The following TUT4 variants were observed in gnomAD, a reference collection of about 807,000 sequenced individuals.
TUT4 encodes terminal uridylyl transferase 4, also known as terminal uridylyltransferase 4.
A neutral mutation model predicts 192.2 loss-of-function variants in TUT4; 36 were observed. The ratio of observed to expected loss-of-function variants is 0.19; its 90% CI spans 0.14 to 0.25. The LOEUF is 0.25. Among genes scored for constraint, TUT4 ranks in the 10% least tolerant of loss-of-function variants. The pLI, the probability that TUT4 is intolerant of heterozygous loss-of-function variation, is 1.00. For missense variants in TUT4, 1,493 were observed against 1,957.2 expected, an observed-to-expected ratio of 0.76 and a Z score of 4.47; for synonymous variants, 618 against 666.0, an observed-to-expected ratio of 0.93 and a Z score of 1.11.
At position 52,515,871 on chromosome 1, in the gene TUT4, A is replaced by C. The variant is rs1678591678; in HGVS notation, c.882+20T>G. The C allele has an allele frequency of 1.9e-6, 3 of 1,613,736 alleles. No individual in the cohort carries two copies. Among genetic ancestry groups the C allele is most frequent in the Non-Finnish European group, 2.5e-6 (3 of 1,179,930 alleles). Reference sequence around the variant, plus strand: ...TGAAACACACATTTCCCCCCAAATAACTAAAACAACATAGTATACTTTTTC... The same window carrying C: ...TGAAACACACATTTCCCCCCAAATACCTAAAACAACATAGTATACTTTTTC... On this transcript the variant is annotated intron_variant, in intron 3 of 29. Transcript: ENST00000257177.
chr1:52,529,466 GCT>G (rs1361174715), intron 1 of TUT4, among the ~76,000 whole-genome samples: 2 of 152,064 alleles, frequency 1.3e-5, no homozygotes, highest in African/African-American at 4.8e-5. Context: ...ACTAAAATGA[GCT>G]CTGTTTCAAA....
At chr1:52,437,288 T>G (rs1654076289) in intron 25 of TUT4, 3 of 227,832 alleles carry the variant, frequency 1.3e-5, no homozygotes, top group Non-Finnish European at 2.6e-5. Flanking sequence ...GATAAGTGTC[T>G]TGACTAAATT....
chr1:52,528,624 G>A (rs1682507849), intron 1 of TUT4, among the ~76,000 whole-genome samples: 1 of 151,980 alleles, frequency 6.6e-6, no homozygotes, highest in Non-Finnish European at 1.5e-5. Context: ...GAGTCCTTCT[G>A]CCAGCAAAAG....
intron 11 of TUT4, among the ~76,000 whole-genome samples, chr1:52,480,739 A>C (rs909764503): frequency 5.3e-5 from 8 of 152,226 alleles, no homozygotes; most frequent in African/African-American, 1.9e-4. Flanking sequence ...TTTAGATAAG[A>C]ACATGGCAAG....
At chr1:52,439,375 C>T (rs963949724) in intron 24 of TUT4, among the ~76,000 whole-genome samples, 5 of 152,142 alleles carry the variant, frequency 3.3e-5, no homozygotes, top group African/African-American at 1.2e-4. Flanking sequence ...AGGTAGGGAA[C>T]TAAAAAGAAG....
rs147942665 is a variant in TUT4, at chr1:52,439,039, C to T, written c.3823-704G>A. Among the ~76,000 whole-genome samples, 744 of 147,538 alleles carry T rather than the reference C, an allele frequency of 5.0e-3. 8 individuals are homozygous for T. Among genetic ancestry groups the T allele is most frequent in the African/African-American group, 0.017 (687 of 39,810 alleles). ...AAGCAAAGATCGTGCCACTGCACTCCAGCCTGGGTGACACAGCAAGACTCC... is the reference window on the plus strand; with the variant it reads ...AAGCAAAGATCGTGCCACTGCACTCTAGCCTGGGTGACACAGCAAGACTCC... On this transcript the variant is annotated intron_variant, in intron 24 of 29. Transcript: ENST00000257177.
intron 1 of TUT4, among the ~76,000 whole-genome samples, chr1:52,543,798 A>G (rs920902003): frequency 6.6e-6 from 1 of 151,944 alleles, no homozygotes; most frequent in East Asian, 1.9e-4. Flanking sequence ...TGTTGTTAAA[A>G]TGTCCACACT....
intron 14 of TUT4, among the ~76,000 whole-genome samples, chr1:52,470,227 G>A (rs1665361654): frequency 6.6e-6 from 1 of 151,934 alleles, no homozygotes; most frequent in African/African-American, 2.4e-5. Context: ...ATATAAAAGG[G>A]ACCAGGTAGT....
chr1:52,500,929 A>AAAAAG (rs1475126451), intron 4 of TUT4, among the ~76,000 whole-genome samples: 18 of 152,320 alleles, frequency 1.2e-4, no homozygotes, highest in Non-Finnish European at 4.4e-5. Context: ...TCAAAAACAA[A>AAAAAG]AAAAGAAAAG....
chr1:52,465,874 CT>C (rs879416499), intron 15 of TUT4, among the ~76,000 whole-genome samples: 360 of 145,052 alleles, frequency 2.5e-3, no homozygotes, highest in East Asian at 3.6e-3. Flanking sequence ...CTTCCTATTA[CT>C]TTTTTTTTTT....
rs371614707 is a variant in TUT4, at chr1:52,528,186, AT to A, written c.-93-1814del. Among the ~76,000 whole-genome samples the A allele has an allele frequency of 2.9e-3, 403 of 139,876 alleles. 4 individuals carry two copies. Among genetic ancestry groups the A allele is most frequent in the South Asian group, 0.022 (95 of 4,388 alleles). The allele number at this position is 139,876 out of a possible 152,430, so 91.8% of individuals were successfully genotyped here. A position where few individuals can be genotyped will look rare whatever the true frequency, so the allele number is the denominator to read the frequency against. On this transcript the variant is annotated intron_variant, in intron 1 of 29. Coordinates refer to ENST00000257177, the MANE Select transcript of TUT4 (RefSeq NM_001009881.3). ...AGAGCAAGACTCCATCTCGAAAAAAATAATAATAATAATAATAATAATGTCA... is the reference window on the plus strand; with the variant it reads ...AGAGCAAGACTCCATCTCGAAAAAAAAATAATAATAATAATAATAATGTCA...
chr1:52,551,352 A>G (rs1689376547), intron 1 of TUT4, among the ~76,000 whole-genome samples: 1 of 152,174 alleles, frequency 6.6e-6, no homozygotes, highest in Non-Finnish European at 1.5e-5. Context: ...CATTTTCCAC[A>G]CTAGCCAAGT....
intron 1 of TUT4, among the ~76,000 whole-genome samples, chr1:52,550,939 T>A (rs1299914508): frequency 1.3e-5 from 2 of 152,250 alleles, no homozygotes; most frequent in East Asian, 3.8e-4. Context: ...CTTATTTTTA[T>A]GTCAAGATTA....
At chr1:52,546,045 G>A (rs1688016156) in intron 1 of TUT4, among the ~76,000 whole-genome samples, 1 of 151,938 alleles carries the variant, frequency 6.6e-6, no homozygotes, top group Non-Finnish European at 1.5e-5. Flanking sequence ...AGGCTGAGGT[G>A]GGAGGATGGC....
chr1:52,459,314 C>T (rs1196756366), intron 19 of TUT4, among the ~76,000 whole-genome samples: 2 of 151,488 alleles, frequency 1.3e-5, no homozygotes, highest in Non-Finnish European at 2.9e-5. Flanking sequence ...GGAAGCCAGA[C>T]ATGGTGGCTC....
intron 19 of TUT4, among the ~76,000 whole-genome samples, chr1:52,459,209 C>T (rs1023714487): frequency 7.9e-5 from 12 of 151,542 alleles, no homozygotes; most frequent in African/African-American, 2.9e-4. Flanking sequence ...TGGCGTGAAC[C>T]CAGGAGGCAG....
intron 16 of TUT4, chr1:52,463,824 A>T (rs1195415669): frequency 9.2e-6 from 12 of 1,298,900 alleles, no homozygotes; most frequent in Non-Finnish European, 1.1e-5. Context: ...TTACTGCTGA[A>T]ATTGCACTTG....
intron 1 of TUT4, among the ~76,000 whole-genome samples, chr1:52,529,549 T>C (rs1044770808): frequency 6.6e-6 from 1 of 152,160 alleles, no homozygotes; most frequent in African/African-American, 2.4e-5. Context: ...TTTAAATTTT[T>C]AATGCTAGTC....
intron 15 of TUT4, among the ~76,000 whole-genome samples, chr1:52,467,836 G>C (rs965222901): frequency 6.6e-6 from 1 of 151,966 alleles, no homozygotes; most frequent in African/African-American, 2.4e-5. Context: ...TTTCTCCTTG[G>C]ATATTTATAT....
Sources: gnomAD v4.1 joint callset for allele counts (sites outside exome capture counted in the v4.1 genomes callset) on GRCh38, gnomAD v4.1.1 for gene constraint, MANE v1.5 for transcripts, NCBI Gene and HGNC (gene_info 2026-07-23, HGNC 2026-07-21) for gene names.